Variants in AP1B1 observed in about 807,000 individuals in gnomAD.
AP1B1 encodes the protein adaptor related protein complex 1 subunit beta 1, also known as AP-1 complex subunit beta-1.
In AP1B1, 36 loss-of-function variants were observed where a neutral mutation model predicts 104.3. The ratio of observed to expected loss-of-function variants is 0.35; its 90% confidence interval spans 0.26 to 0.46. AP1B1 has a LOEUF of 0.46. Among genes scored for constraint, AP1B1 ranks in the 20% least tolerant of loss-of-function variants. The probability of loss-of-function intolerance (pLI) is 1.00; values close to 1 mark genes in which losing one functional copy is unlikely to be tolerated. For missense variants in AP1B1, 901 were observed against 1,247.9 expected (o/e 0.72, Z 4.19); for synonymous variants, 504 against 517.5 (o/e 0.97, Z 0.35).
At chr22:29,384,270 C>T (rs530307543) in intron 1 of AP1B1, among the ~76,000 whole-genome samples, 5 of 152,182 alleles carry the variant, frequency 3.3e-5, no homozygotes, top group Middle Eastern at 6.8e-3. Flanking sequence ...TTCCCTGCTC[C>T]GTACCAGATT....
chr22:29,337,313 G>C (rs145377733), intron 16 of AP1B1, among the ~76,000 whole-genome samples: 1 of 152,204 alleles, frequency 6.6e-6, no homozygotes, highest in African/African-American at 2.4e-5. Context: ...ACGTGCTGGC[G>C]GTGGCTGTGG....
chr22:29,370,466 A>AAAAAAG (rs532561379), intron 1 of AP1B1: 2 of 149,988 alleles, frequency 1.3e-5, no homozygotes, highest in African/African-American at 5.0e-5. Flanking sequence ...AAAAAAAAAA[A>AAAAAAG]AAAGAAAGAA....
intron 16 of AP1B1, 51 bp downstream of exon 16, chr22:29,338,938 AG>A: frequency 6.2e-7 from 1 of 1,606,950 alleles, no homozygotes; most frequent in South Asian, 1.1e-5. Flanking sequence ...CCCACATGCC[AG>A]TCTCCATAAC....
In AP1B1 at chr22:29,328,839, C is replaced by T; in HGVS notation, c.2832G>A (p.Glu944=). 6.2e-7 allele frequency: 1 copy of T among 1,608,088 alleles called. No homozygotes were observed. The highest frequency in any genetic ancestry group is 8.5e-7 in the Non-Finnish European group (1 of 1,178,762). The change falls in exon 23 of 23, where the codon GAG becomes GAA. Residue 944 remains glutamate (E), a synonymous_variant. Transcript: ENST00000357586. This position sits in a 1 kb window ranked among gnomAD's most constrained non-coding sequence, Gnocchi z 4.1. The part of the protein sequence containing the change: ...EVSQHVYQAY[E]TILKN The stretch of plus-strand genomic sequence containing the variant: ...CGGGGTCTCAGTTCTTGAGGATGGT[C>T]TCGTAGGCCTGGTACACGTGCTGGG...
chr22:29,329,485 A>G (rs1333127689), intron 22 of AP1B1: 1 of 1,396,586 alleles, frequency 7.2e-7, no homozygotes, highest in Non-Finnish European at 9.3e-7. Context: ...TCCGCAGGTC[A>G]GCAGCAGCCC....
intron 1 of AP1B1, among the ~76,000 whole-genome samples, chr22:29,388,175 T>C (rs2062562965): frequency 6.6e-6 from 1 of 152,176 alleles, no homozygotes; most frequent in South Asian, 2.1e-4. Context: ...CTAAGTCCTG[T>C]CTCTCCGGGC....
chr22:29,338,154 GACAACC>G (rs2061664529), intron 16 of AP1B1, among the ~76,000 whole-genome samples: 1 of 152,104 alleles, frequency 6.6e-6, no homozygotes, highest in Non-Finnish European at 1.5e-5. Flanking sequence ...CTACCATGGG[GACAACC>G]ACCCCACAAC....
intron 1 of AP1B1, among the ~76,000 whole-genome samples, chr22:29,371,425 C>T (rs995279241): frequency 2.6e-5 from 4 of 152,112 alleles, no homozygotes; most frequent in Admixed American, 6.6e-5. Context: ...ATCGGGTACA[C>T]GAATCATATT....
rs1275274236 is a variant in AP1B1, at chr22:29,359,861, G to A, written c.242C>T (p.Pro81Leu). The A allele has an allele frequency of 6.2e-7, 1 of 1,614,118 alleles. No homozygotes were observed. Among genetic ancestry groups the A allele is most frequent in the East Asian group, 2.2e-5 (1 of 44,892 alleles). The change falls in exon 4 of 23, where the codon CCT (proline) becomes CTT (leucine). Residue 81 changes from proline to leucine, a missense_variant. Physicochemically the swap from Pro to Leu is moderately conservative, Grantham distance 98. Coordinates refer to ENST00000357586, the MANE Select transcript of AP1B1 (RefSeq NM_001127.4). Reference protein sequence around the residue: ...LYLMNYAKSQPDMAIMAVNTF... With the variant: ...LYLMNYAKSQLDMAIMAVNTF... ...GTTGACGGCCATAATGGCCATGTCA[G>A]GCTGACTCTTGGCGTAATTCATCAA...
At chr22:29,338,900 A>G in intron 16 of AP1B1, 90 bp downstream of exon 16, 2 of 1,551,772 alleles carry the variant, frequency 1.3e-6, no homozygotes, top group Middle Eastern at 1.7e-4. Context: ...GCCTGAGCCA[A>G]TTCCACAGCC....
chr22:29,333,605 C>A (rs2061593496), intron 17 of AP1B1, among the ~76,000 whole-genome samples: 1 of 149,794 alleles, frequency 6.7e-6, no homozygotes, highest in African/African-American at 2.5e-5. Flanking sequence ...TCCCAGAGAC[C>A]CAGGAGGCTG....
At chr22:29,367,010 C>CA (rs2062153661) in intron 2 of AP1B1, among the ~76,000 whole-genome samples, 197 bp downstream of exon 2, 1 of 152,086 alleles carries the variant, frequency 6.6e-6, no homozygotes, top group African/African-American at 2.4e-5. Context: ...TCTTCCCTTT[C>CA]TGAGCTCTAA....
Position 29,355,447 on chromosome 22 carries a change from C to T in AP1B1, c.717-576G>A, listed in dbSNP as rs559191809. On this transcript the variant is annotated intron_variant, in intron 6 of 22. Coordinates refer to ENST00000357586, the MANE Select transcript of AP1B1 (RefSeq NM_001127.4). ...CTGCACTCTGGCCTGGGCAACAGAG[C>T]GAGACCCTGTCATAAACAAACAAAC... Among the ~76,000 whole-genome samples the T allele has an allele frequency of 3.7e-4, 56 of 151,662 alleles. 1 individual carries two copies. The highest frequency in any genetic ancestry group is 6.5e-4 in the Non-Finnish European group (44 of 67,890).
intron 16 of AP1B1, among the ~76,000 whole-genome samples, chr22:29,336,465 T>G (rs2061639158): frequency 6.6e-6 from 1 of 152,004 alleles, no homozygotes; most frequent in Admixed American, 6.6e-5. Flanking sequence ...TTGGATACAC[T>G]CATCTGACCC....
At chr22:29,377,331 G>T (rs899116220) in intron 1 of AP1B1, among the ~76,000 whole-genome samples, 3 of 151,770 alleles carry the variant, frequency 2.0e-5, no homozygotes, top group Non-Finnish European at 2.9e-5. Flanking sequence ...CCAGATTTCA[G>T]ACTTTCTCTC....
At chr22:29,356,397 G>T in intron 6 of AP1B1, 29 bp downstream of exon 6, 1 of 1,590,912 alleles carries the variant, frequency 6.3e-7, no homozygotes, top group Non-Finnish European at 8.6e-7. Flanking sequence ...CCTCAAGCTG[G>T]GCTGGCAAGC....
At position 29,340,696 on chromosome 22, in the gene AP1B1, A is replaced by T; in HGVS notation, c.1958T>A (p.Met653Lys). 1 of 1,582,866 alleles carries T rather than the reference A, an allele frequency of 6.3e-7. No individual in the cohort carries two copies. Among genetic ancestry groups the T allele is most frequent in the East Asian group, 2.3e-5 (1 of 43,768 alleles). The change falls in exon 14 of 23, where the codon ATG becomes AAG. Residue 653 changes from methionine to lysine, a missense_variant. This residue lies in a region of AP1B1 where 424 missense variants were observed against 494.0 expected (regional missense o/e 0.86). Coordinates refer to ENST00000357586, the MANE Select transcript of AP1B1 (RefSeq NM_001127.4). ...GPPLATSSVQMGAVDLLGGGL... is the reference protein window; with the variant it reads ...GPPLATSSVQKGAVDLLGGGL... ...ACCGCCAAGAAGGTCCACAGCTCCC[A>T]TCTGCACCGAGGAGGTGGCCAGGGG... is the stretch of plus-strand genomic sequence containing the variant.
At chr22:29,340,411 A>C (rs1049591770) in intron 14 of AP1B1, among the ~76,000 whole-genome samples, 3 of 152,122 alleles carry the variant, frequency 2.0e-5, no homozygotes, top group Admixed American at 1.3e-4. Flanking sequence ...AGGTTCAACA[A>C]GGGAGTGGAA....
At chr22:29,334,500 C>A (rs1229831695) in intron 16 of AP1B1, 90 bp from the exon 17 acceptor site, 79 of 1,435,394 alleles carry the variant, frequency 5.5e-5, no homozygotes, top group Non-Finnish European at 7.2e-5. Flanking sequence ...TTTTCTCTCT[C>A]TCTCCTGCAG....
Sources: gnomAD v4.1 joint callset for allele counts (sites outside exome capture counted in the v4.1 genomes callset) on GRCh38, gnomAD v4.1.1 for gene constraint, gnomAD v4.1.1 regional missense constraint, Gnocchi (gnomAD v3.1) non-coding constraint, MANE v1.5 for transcripts, NCBI Gene and HGNC (gene_info 2026-07-23, HGNC 2026-07-21) for gene names.